KDM7A: variants seen among roughly 807,000 people sequenced by gnomAD.
KDM7A encodes the protein lysine-specific demethylase 7A.
Under a neutral mutation model 114.8 loss-of-function variants are expected in KDM7A, and 28 were observed. The observed-to-expected ratio is 0.24, with a 90% CI of 0.18 to 0.33. KDM7A has a LOEUF of 0.33. Among genes scored for constraint, KDM7A ranks in the 10% least tolerant of loss-of-function variants. KDM7A has a pLI of 1.00. For synonymous variants in KDM7A, 423 were observed against 397.8 expected (o/e 1.06, Z -0.75); for missense variants, 942 against 1,142.5 (o/e 0.82, Z 2.53).
intron 1 of KDM7A, among the ~76,000 whole-genome samples, chr7:140,147,459 CAGT>C: frequency 6.6e-6 from 1 of 152,324 alleles, no homozygotes; most frequent in Non-Finnish European, 1.5e-5. Context: ...TTTCCTTAGA[CAGT>C]AGAAGGCTGT....
intron 7 of KDM7A, among the ~76,000 whole-genome samples, chr7:140,120,859 T>G (rs35284627): frequency 0.25 from 38,652 of 152,166 alleles, 5,183 homozygotes; most frequent in Middle Eastern, 0.3. Context: ...CCTCTCACAT[T>G]GGCCTCCCAA....
chr7:140,105,761 G>A (rs1818326173), intron 11 of KDM7A, among the ~76,000 whole-genome samples: 1 of 152,038 alleles, frequency 6.6e-6, no homozygotes, highest in South Asian at 2.1e-4. Flanking sequence ...TTTTTTTGTT[G>A]CGCCTCTGCC....
intron 1 of KDM7A, among the ~76,000 whole-genome samples, chr7:140,166,115 C>CA (rs1308441552): frequency 3.3e-5 from 5 of 152,090 alleles, no homozygotes; most frequent in African/African-American, 1.2e-4. Flanking sequence ...ATGGTATACT[C>CA]AGAGTTCAGT....
At position 140,088,406 on chromosome 7, in the gene KDM7A, A is replaced by G; in HGVS notation, c.*2688T>C. ...TACTAAAGTTGCATATGTTAATCAT[A>G]ATTCTCAATTTTACATATTTGTATT... is the stretch of plus-strand genomic sequence containing the variant. On this transcript the variant is annotated 3_prime_UTR_variant, in exon 20 of 20. Coordinates refer to ENST00000397560, the MANE Select transcript of KDM7A (RefSeq NM_030647.2). 4 of 397,706 alleles carry G rather than the reference A, an allele frequency of 1.0e-5. No homozygotes were observed. Among genetic ancestry groups the G allele is most frequent in the Non-Finnish European group, 1.8e-5 (4 of 225,398 alleles). 24.6% of individuals were successfully genotyped at this position (397,706 alleles called of 1,614,324 possible).
chr7:140,101,485 G>A (rs551175411), intron 12 of KDM7A, among the ~76,000 whole-genome samples: 13 of 152,046 alleles, frequency 8.6e-5, no homozygotes, highest in Non-Finnish European at 1.9e-4. Context: ...GAGGCTCTCT[G>A]ACCACCTTAG....
At chr7:140,149,430 T>C (rs1375164876) in intron 1 of KDM7A, among the ~76,000 whole-genome samples, 3 of 152,214 alleles carry the variant, frequency 2.0e-5, no homozygotes, top group Non-Finnish European at 4.4e-5. Context: ...CAAATCATTA[T>C]TTCATGAAGG....
At chr7:140,104,720 G>T (rs1160256778) in intron 11 of KDM7A, among the ~76,000 whole-genome samples, 1 of 152,162 alleles carries the variant, frequency 6.6e-6, no homozygotes, top group Non-Finnish European at 1.5e-5. Context: ...TTGAAGTCAG[G>T]TAGCATGATG....
At chr7:140,143,170 A>G (rs1585159202) in intron 1 of KDM7A, among the ~76,000 whole-genome samples, 1 of 134,140 alleles carries the variant, frequency 7.5e-6, no homozygotes. Context: ...ACAGAGCAAG[A>G]CCCCGTCTCA....
chr7:140,102,189 A>G (rs201786213), intron 11 of KDM7A, 29 bp from the exon 12 acceptor site: 11 of 1,506,094 alleles, frequency 7.3e-6, no homozygotes, highest in Admixed American at 1.7e-5. Context: ...GAGTATTTTT[A>G]TAAGAAGGCT....
At chr7:140,175,993 T>A (rs1184355329) in intron 1 of KDM7A, among the ~76,000 whole-genome samples, 1 of 150,650 alleles carries the variant, frequency 6.6e-6, no homozygotes, top group Admixed American at 6.6e-5. Flanking sequence ...GCGACCCGGG[T>A]GTGTGCGGGG....
chr7:140,161,227 T>C (rs771287000), intron 1 of KDM7A, among the ~76,000 whole-genome samples: 1 of 152,228 alleles, frequency 6.6e-6, no homozygotes, highest in African/African-American at 2.4e-5. Context: ...TGAGGCACTC[T>C]GGCAGTTCAC....
At chr7:140,097,473 G>T in intron 15 of KDM7A, 72 bp downstream of exon 15, 1 of 813,100 alleles carries the variant, frequency 1.2e-6, no homozygotes, top group Non-Finnish European at 2.1e-6. Flanking sequence ...CATTTGCCTT[G>T]CTTCCAGGAG....
chr7:140,096,124 C>G (rs991570211), intron 17 of KDM7A, among the ~76,000 whole-genome samples: 4 of 152,060 alleles, frequency 2.6e-5, no homozygotes, highest in Non-Finnish European at 5.9e-5. Context: ...CCCTCTTTTC[C>G]TAATACTTTC....
chr7:140,124,978 C>T (rs981185863), intron 6 of KDM7A, among the ~76,000 whole-genome samples, 195 bp from the exon 7 acceptor site: 4 of 152,078 alleles, frequency 2.6e-5, no homozygotes, highest in Admixed American at 2.6e-4. Flanking sequence ...TTAAAGCTCC[C>T]CCTCCTCAAC....
intron 1 of KDM7A, among the ~76,000 whole-genome samples, chr7:140,163,448 CTAA>C (rs1722760575): frequency 6.6e-6 from 1 of 152,034 alleles, no homozygotes. Flanking sequence ...CCACACCCAG[CTAA>C]TTTATTTTTT....
intron 9 of KDM7A, among the ~76,000 whole-genome samples, chr7:140,116,429 AAATT>A (rs1372939106): frequency 6.6e-6 from 1 of 152,236 alleles, no homozygotes. Flanking sequence ...CAAATGGAGA[AAATT>A]AAATTATTTT....
chr7:140,124,625 A>T lies in KDM7A; in HGVS notation c.1047T>A (p.Pro349=). 6.2e-7 allele frequency: 1 copy of T among 1,606,882 alleles called. No homozygotes were observed. The highest frequency in any genetic ancestry group is 8.5e-7 in the Non-Finnish European group (1 of 1,177,336). Residue 349 remains proline (P), a synonymous_variant, in exon 7 of 20, where the codon CCT becomes CCA. Transcript: ENST00000397560. ...VVKQGHTLFV[P]TGWIHAVLTS... ...GGGATGGGATGAAAACCTTACCTGT[A>T]GGAACAAATAAGGTATGTCCCTGCT...
Position 140,148,220 on chromosome 7 carries a change from GA to G in KDM7A, c.195-9031del, listed in dbSNP as rs35363572. Among the ~76,000 whole-genome samples, 638 of 118,226 alleles carry G rather than the reference GA, an allele frequency of 5.4e-3. 2 individuals carry two copies. Among genetic ancestry groups the G allele is most frequent in the African/African-American group, 0.012 (366 of 31,096 alleles). 77.6% of individuals were successfully genotyped at this position (118,226 alleles called of 152,430 possible). A position where few individuals can be genotyped will look rare whatever the true frequency, so the allele number is the denominator to read the frequency against. On this transcript the variant is annotated intron_variant, in intron 1 of 19. Transcript: ENST00000397560. ...AGGCACTCAAATGGCTATGCTTCAA[GA>G]AAAAAAAAAAAAAGAGAGAATTTGT...
intron 17 of KDM7A, among the ~76,000 whole-genome samples, chr7:140,094,998 C>T (rs996294657): frequency 2.6e-5 from 4 of 152,224 alleles, no homozygotes; most frequent in Non-Finnish European, 4.4e-5. Flanking sequence ...CAGGCATGCG[C>T]CACCACGCCC....
Sources: allele counts gnomAD v4.1 joint callset (sites outside exome capture counted in the v4.1 genomes callset), GRCh38; gene constraint gnomAD v4.1.1; transcripts MANE v1.5; gene names NCBI Gene and HGNC (gene_info 2026-07-23, HGNC 2026-07-21).